The following BNC2 variants were observed in gnomAD, a reference collection of about 807,000 sequenced individuals.
The protein encoded by BNC2 is zinc finger protein basonuclin-2.
Under a neutral mutation model 76.3 loss-of-function variants are expected in BNC2, and 20 were observed. The observed-to-expected ratio is 0.26, with a 90% CI of 0.18 to 0.38. The LOEUF is 0.38. Among genes scored for constraint, BNC2 ranks in the 10% least tolerant of loss-of-function variants. The probability of loss-of-function intolerance (pLI) is 1.00; values close to 1 mark genes in which losing one functional copy is unlikely to be tolerated. For missense variants in BNC2, 1,382 were observed against 1,399.8 expected (o/e 0.99, Z 0.20); for synonymous variants, 582 against 514.8 (o/e 1.13, Z -1.77).
In BNC2 at chr9:16,413,521, A is replaced by C. The variant is rs571119806; in HGVS notation, c.*5468T>G. On this transcript the variant is annotated 3_prime_UTR_variant, in exon 7 of 7. Transcript: ENST00000380672. ...TAGTTATTGCCGAATGAGCACAGAA[A>C]ATCATTTTGCGCAAGATGTGGGAAG... 2 of 152,334 alleles carry C rather than the reference A, an allele frequency of 1.3e-5. No homozygotes were observed. The highest frequency in any genetic ancestry group is 3.9e-4 in the East Asian group (2 of 5,178). The allele number at this position is 152,334 out of a possible 1,614,324, so 9.4% of individuals were successfully genotyped here. A position where few individuals can be genotyped will look rare whatever the true frequency, so the allele number is the denominator to read the frequency against.
At chr9:16,772,668 T>A (rs1243716864) in intron 1 of BNC2, among the ~76,000 whole-genome samples, 1 of 152,218 alleles carries the variant, frequency 6.6e-6, no homozygotes, top group Non-Finnish European at 1.5e-5. Context: ...CACATTTTTT[T>A]AAAGTTTATT....
chr9:16,421,625 T>C (rs1820712067), intron 6 of BNC2, among the ~76,000 whole-genome samples: 1 of 152,132 alleles, frequency 6.6e-6, no homozygotes, highest in Non-Finnish European at 1.5e-5. Context: ...ACAGAAGTTG[T>C]CCCCACGGTC....
intron 3 of BNC2, among the ~76,000 whole-genome samples, chr9:16,640,957 G>A (rs1207350448): frequency 2.0e-5 from 3 of 152,154 alleles, no homozygotes; most frequent in Non-Finnish European, 4.4e-5. Context: ...CACAGCTCTA[G>A]AAAGAGTTAA....
Position 16,727,952 on chromosome 9 carries a change from C to G in BNC2, c.175G>C (p.Asp59His), listed in dbSNP as rs1242111217. The stretch of plus-strand genomic sequence containing the variant: ...TCTCTTGCCCTCTTTGGCTCTCTGT[C>G]TCTCTGTGTCTCTCTTTCTCTCACA... ...VDVRERETQR[D>H]REPKRARDLT... Residue 59 changes from aspartate (D) to histidine (H), a missense_variant, in exon 3 of 7, where the codon GAC (aspartate) becomes CAC (histidine). Asp to His is a moderately conservative substitution (Grantham distance 81). This residue lies in a region of BNC2 where 557 missense variants were observed against 540.9 expected (regional missense o/e 1.03). Coordinates refer to ENST00000380672, the MANE Select transcript of BNC2 (RefSeq NM_017637.6). 2 of 1,613,970 alleles carry G rather than the reference C, an allele frequency of 1.2e-6. No individual in the cohort carries two copies. Among genetic ancestry groups the G allele is most frequent in the Non-Finnish European group, 1.7e-6 (2 of 1,180,026 alleles).
In BNC2 at chr9:16,736,866, G is replaced by A. The variant is rs188067480; in HGVS notation, c.129+1494C>T. On this transcript the variant is annotated intron_variant, in intron 2 of 6. Coordinates refer to ENST00000380672, the MANE Select transcript of BNC2 (RefSeq NM_017637.6). ...TTGTTGTGCAGGCTGGAGTGCAACGGCACCATCTCGGCTCACCGCAATCTC... is the reference window on the plus strand; with the variant it reads ...TTGTTGTGCAGGCTGGAGTGCAACGACACCATCTCGGCTCACCGCAATCTC... Among the ~76,000 whole-genome samples, 120 of 152,038 alleles carry A rather than the reference G, an allele frequency of 7.9e-4. No homozygotes were observed. The East Asian group carries it at 0.014, about 17-fold the overall frequency.
chr9:16,503,085 G>C (rs1822554414), intron 5 of BNC2, among the ~76,000 whole-genome samples: 1 of 152,162 alleles, frequency 6.6e-6, no homozygotes, highest in Non-Finnish European at 1.5e-5. Context: ...ATGAAGAAGA[G>C]AAATTGCGCA....
chr9:16,858,899 A>C (rs1188613459), intron 1 of BNC2, among the ~76,000 whole-genome samples: 1 of 152,152 alleles, frequency 6.6e-6, no homozygotes, highest in Non-Finnish European at 1.5e-5. Context: ...AAGCAAAGGA[A>C]ACAATCAGCA....
intron 4 of BNC2, among the ~76,000 whole-genome samples, chr9:16,571,335 G>C (rs1422911900): frequency 6.6e-6 from 1 of 152,140 alleles, no homozygotes; most frequent in African/African-American, 2.4e-5. Context: ...GCAAGATTTT[G>C]TAAGAGAGAA....
At chr9:16,621,567 A>G (rs924648433) in intron 3 of BNC2, among the ~76,000 whole-genome samples, 1 of 152,192 alleles carries the variant, frequency 6.6e-6, no homozygotes, top group Non-Finnish European at 1.5e-5. Flanking sequence ...TTTCACTTGT[A>G]TATCAAAGAC....
At chr9:16,482,584 A>C (rs944735801) in intron 5 of BNC2, among the ~76,000 whole-genome samples, 1 of 152,242 alleles carries the variant, frequency 6.6e-6, no homozygotes, top group Non-Finnish European at 1.5e-5. Context: ...TCTCGTTTCT[A>C]CATACTCATA....
At chr9:16,459,372 G>A (rs2131202472) in intron 5 of BNC2, among the ~76,000 whole-genome samples, 1 of 152,276 alleles carries the variant, frequency 6.6e-6, no homozygotes, top group African/African-American at 2.4e-5. Flanking sequence ...AATGCTCTTA[G>A]GGTCACAGGT....
At chr9:16,528,424 G>A (rs1429647658) in intron 5 of BNC2, among the ~76,000 whole-genome samples, 1 of 151,992 alleles carries the variant, frequency 6.6e-6, no homozygotes, top group Non-Finnish European at 1.5e-5. Context: ...GAGCTTTCAG[G>A]CTTTTCAGAA....
chr9:16,500,439 T>G lies in BNC2; in HGVS notation c.669+52091A>C, dbSNP rs188408683. Among the ~76,000 whole-genome samples the G allele has an allele frequency of 3.3e-4, 50 of 152,316 alleles. No homozygotes were observed. In the East Asian group the frequency reaches 9.3e-3, roughly 28 times the overall value. On this transcript the variant is annotated intron_variant, in intron 5 of 6. Transcript: ENST00000380672. Reference sequence around the variant, plus strand: ...CTGATAGCAAGAACAAACAATTTTTTTCTTTGATTTTCTAAGGGTTCCAAA... The same window carrying G: ...CTGATAGCAAGAACAAACAATTTTTGTCTTTGATTTTCTAAGGGTTCCAAA...
intron 4 of BNC2, among the ~76,000 whole-genome samples, chr9:16,572,153 T>G (rs191174338): frequency 1.3e-5 from 2 of 152,302 alleles, no homozygotes; most frequent in Non-Finnish European, 2.9e-5. Context: ...GGTATTTCAC[T>G]CAAGATCTTA....
intron 1 of BNC2, among the ~76,000 whole-genome samples, chr9:16,823,293 A>G (rs184808386): frequency 3.3e-5 from 5 of 152,246 alleles, no homozygotes; most frequent in African/African-American, 1.2e-4. Flanking sequence ...AAATAGTTCT[A>G]TAGTGACATG....
At chr9:16,761,201 T>C (rs761454040) in intron 1 of BNC2, among the ~76,000 whole-genome samples, 1 of 152,174 alleles carries the variant, frequency 6.6e-6, no homozygotes, top group Non-Finnish European at 1.5e-5. Context: ...TGAGCCATGA[T>C]TGTGCCACTG....
At chr9:16,713,936 A>G (rs1002971120) in intron 3 of BNC2, among the ~76,000 whole-genome samples, 2 of 152,126 alleles carry the variant, frequency 1.3e-5, no homozygotes, top group Admixed American at 6.5e-5. Context: ...TCACCTAGGC[A>G]TGGTGGCGTG....
chr9:16,691,734 C>A (rs113715749), intron 3 of BNC2, among the ~76,000 whole-genome samples: 1 of 151,654 alleles, frequency 6.6e-6, no homozygotes, highest in African/African-American at 2.4e-5. Flanking sequence ...TGGTCTCGAT[C>A]TCCTGACCTC....
At chr9:16,488,860 G>C (rs1287834448) in intron 5 of BNC2, among the ~76,000 whole-genome samples, 1 of 152,084 alleles carries the variant, frequency 6.6e-6, no homozygotes, top group African/African-American at 2.4e-5. Context: ...AAACTGATTA[G>C]TAGACCCAGT....
Sources: allele counts gnomAD v4.1 joint callset (sites outside exome capture counted in the v4.1 genomes callset), GRCh38; gene constraint gnomAD v4.1.1; regional missense constraint gnomAD v4.1.1; transcripts MANE v1.5; gene names NCBI Gene and HGNC (gene_info 2026-07-23, HGNC 2026-07-21).